PPP1R9A: variants seen among roughly 807,000 people sequenced by gnomAD.
The protein encoded by PPP1R9A is protein phosphatase 1 regulatory subunit 9A, also known as neurabin-1.
Under a neutral mutation model 141.9 loss-of-function variants are expected in PPP1R9A, and 59 were observed. The ratio of observed to expected loss-of-function variants is 0.42; its 90% CI spans 0.34 to 0.52. PPP1R9A has a LOEUF of 0.52. Among genes scored for constraint, PPP1R9A ranks in the 20% least tolerant of loss-of-function variants. PPP1R9A has a pLI of 0.10. For missense variants in PPP1R9A, 1,444 were observed against 1,611.9 expected (o/e 0.90, Z 1.78); for synonymous variants, 500 against 569.7 (o/e 0.88, Z 1.74).
rs116582364 is a variant in PPP1R9A, at chr7:95,083,855, C to T, written c.1396-27404C>T. Among the ~76,000 whole-genome samples, 478 of 151,966 alleles carry T rather than the reference C, an allele frequency of 3.1e-3. 5 individuals carry two copies. The highest frequency in any genetic ancestry group is 0.011 in the African/African-American group (460 of 41,352). ...GGTGAAAACACTAAGTTCACAGATCCAAGGAGTTCAATGAACCCAACCACA... is the reference window on the plus strand; with the variant it reads ...GGTGAAAACACTAAGTTCACAGATCTAAGGAGTTCAATGAACCCAACCACA... On this transcript the variant is annotated intron_variant, in intron 2 of 19. Transcript: ENST00000433360.
Position 94,949,736 on chromosome 7 carries a change from A to T in PPP1R9A, c.1395+38228A>T, listed in dbSNP as rs370935411. ...GGAGGGTGGGGTGGTGATGGAGGAA[A>T]CAAGTTAGAGAGCGCCTAGGGGAGG... On this transcript the variant is annotated intron_variant, in intron 2 of 19. Coordinates refer to ENST00000433360, the MANE Select transcript of PPP1R9A (RefSeq NM_001166160.2). Among the ~76,000 whole-genome samples, 64 of 152,102 alleles carry T rather than the reference A, an allele frequency of 4.2e-4. 1 individual carries two copies. The South Asian group carries it at 0.013, about 32-fold the overall frequency.
intron 2 of PPP1R9A, among the ~76,000 whole-genome samples, chr7:94,932,164 C>T (rs777569752): frequency 7.2e-5 from 11 of 152,176 alleles, no homozygotes; most frequent in Admixed American, 3.3e-4. Flanking sequence ...AATCCATTAA[C>T]TTAGTATTGC....
At chr7:94,991,640 C>T (rs1032793039) in intron 2 of PPP1R9A, among the ~76,000 whole-genome samples, 1 of 151,812 alleles carries the variant, frequency 6.6e-6, no homozygotes, top group African/African-American at 2.4e-5. Context: ...TTTCACCACT[C>T]TTTATATTTT....
chr7:94,980,483 G>T (rs962022733), intron 2 of PPP1R9A, among the ~76,000 whole-genome samples: 1 of 151,874 alleles, frequency 6.6e-6, no homozygotes, highest in African/African-American at 2.4e-5. Context: ...TTTGAGACAG[G>T]GTCTCACTCT....
At chr7:95,225,034 C>T (rs1294654987) in intron 7 of PPP1R9A, among the ~76,000 whole-genome samples, 1 of 152,002 alleles carries the variant, frequency 6.6e-6, no homozygotes, top group Non-Finnish European at 1.5e-5. Context: ...TTGATGCTGC[C>T]AGGAGAGGAT....
intron 8 of PPP1R9A, among the ~76,000 whole-genome samples, chr7:95,227,153 A>G (rs141349160): frequency 1.3e-5 from 2 of 152,230 alleles, no homozygotes; most frequent in Non-Finnish European, 2.9e-5. Context: ...GCCAAAGAAT[A>G]TAAGTTATCA....
intron 7 of PPP1R9A, among the ~76,000 whole-genome samples, chr7:95,221,053 G>A (rs1195638814): frequency 6.6e-6 from 1 of 152,054 alleles, no homozygotes; most frequent in Non-Finnish European, 1.5e-5. Context: ...ATGTGTTGAG[G>A]TCTTCTAGGA....
At chr7:94,999,676 C>T (rs1802614274) in intron 2 of PPP1R9A, among the ~76,000 whole-genome samples, 1 of 152,156 alleles carries the variant, frequency 6.6e-6, no homozygotes, top group African/African-American at 2.4e-5. Flanking sequence ...ATCAACAAAA[C>T]ATCTCCTAAG....
At chr7:94,938,149 A>T (rs77165653) in intron 2 of PPP1R9A, among the ~76,000 whole-genome samples, 5,993 of 152,176 alleles carry the variant, frequency 0.039, 307 homozygotes, top group East Asian at 0.13. Flanking sequence ...GTGAGTGAGC[A>T]TTACTGCCTG....
chr7:94,962,262 G>T (rs1797719928), intron 2 of PPP1R9A, among the ~76,000 whole-genome samples: 1 of 151,950 alleles, frequency 6.6e-6, no homozygotes, highest in South Asian at 2.1e-4. Context: ...CTGCTGAGAT[G>T]TCAGTAATTA....
intron 8 of PPP1R9A, among the ~76,000 whole-genome samples, chr7:95,237,396 A>G (rs1267251230): frequency 6.6e-6 from 1 of 151,826 alleles, no homozygotes; most frequent in Admixed American, 6.6e-5. Flanking sequence ...TGGTTTCGCC[A>G]TGTTGGCCAG....
intron 2 of PPP1R9A, among the ~76,000 whole-genome samples, chr7:94,914,094 C>T (rs1408887053): frequency 6.6e-6 from 1 of 152,100 alleles, no homozygotes; most frequent in Non-Finnish European, 1.5e-5. Context: ...GTTGCAATTC[C>T]TAACCTCAGT....
intron 8 of PPP1R9A, among the ~76,000 whole-genome samples, chr7:95,245,697 G>C (rs542062545): frequency 6.6e-6 from 1 of 152,284 alleles, no homozygotes; most frequent in East Asian, 1.9e-4. Flanking sequence ...TTGTGATTAG[G>C]TTCCTTGCCA....
At chr7:95,155,088 G>T (rs1048575581) in intron 4 of PPP1R9A, 1 of 150,106 alleles carries the variant, frequency 6.7e-6, no homozygotes, top group African/African-American at 2.4e-5. Flanking sequence ...AACTAGAAAA[G>T]AAAATGAAAA....
intron 4 of PPP1R9A, among the ~76,000 whole-genome samples, chr7:95,149,414 AT>A (rs1828240588): frequency 6.6e-6 from 1 of 152,156 alleles, no homozygotes; most frequent in African/African-American, 2.4e-5. Context: ...CAATACACAG[AT>A]TTGGAAGGAA....
chr7:94,991,841 G>A (rs891418588), intron 2 of PPP1R9A, among the ~76,000 whole-genome samples: 2 of 152,070 alleles, frequency 1.3e-5, no homozygotes, highest in African/African-American at 4.8e-5. Context: ...TGGCAGAGAT[G>A]AGGTTTCGCC....
At chr7:94,974,268 C>T (rs1467320598) in intron 2 of PPP1R9A, among the ~76,000 whole-genome samples, 1 of 152,120 alleles carries the variant, frequency 6.6e-6, no homozygotes, top group Non-Finnish European at 1.5e-5. Flanking sequence ...TTTTTAAAGG[C>T]AGTCTCGGCA....
Position 95,252,150 on chromosome 7 carries a change from A to G in PPP1R9A, c.2665+20A>G. ...GTCAAGGTTTGTTTAACCCAACCAC[A>G]AAAATCATTTTTGATGACTGTGTAA... On this transcript the variant is annotated intron_variant, in intron 12 of 19. Coordinates refer to ENST00000433360, the MANE Select transcript of PPP1R9A (RefSeq NM_001166160.2). 6.5e-7 allele frequency: 1 copy of G among 1,540,180 alleles called. No homozygotes were observed. Among genetic ancestry groups the G allele is most frequent in the Non-Finnish European group, 8.7e-7 (1 of 1,150,636 alleles).
chr7:95,250,304 GT>G lies in PPP1R9A; in HGVS notation c.2396+52del, dbSNP rs1215972832. Reference sequence around the variant, plus strand: ...GAATAGTTATGTTTGTCTAAAGAAGGTTTATGTCCAATAATTTTGTAATATC... The same window carrying G: ...GAATAGTTATGTTTGTCTAAAGAAGGTTATGTCCAATAATTTTGTAATATC... On this transcript the variant is annotated intron_variant, in intron 10 of 19. Coordinates refer to ENST00000433360, the MANE Select transcript of PPP1R9A (RefSeq NM_001166160.2). 6 of 1,473,274 alleles carry G rather than the reference GT, an allele frequency of 4.1e-6. No individual in the cohort carries two copies. In the African/African-American group the frequency reaches 8.5e-5, roughly 21 times the overall value. The allele number at this position is 1,473,274 out of a possible 1,614,324, so 91.3% of individuals were successfully genotyped here.
Sources: allele counts gnomAD v4.1 joint callset (sites outside exome capture counted in the v4.1 genomes callset), GRCh38; gene constraint gnomAD v4.1.1; transcripts MANE v1.5; gene names NCBI Gene and HGNC (gene_info 2026-07-23, HGNC 2026-07-21).